The following SPOCK1 variants were observed in gnomAD, a reference collection of about 807,000 sequenced individuals.
SPOCK1 encodes the protein testican-1.
A neutral mutation model predicts 55.3 loss-of-function variants in SPOCK1; 23 were observed. That is an observed-to-expected ratio of 0.42 (90% CI 0.30 to 0.59). The LOEUF is 0.59. Among genes scored for constraint, SPOCK1 ranks in the 20% least tolerant of loss-of-function variants. The pLI, the probability that SPOCK1 is intolerant of heterozygous loss-of-function variation, is 0.22. For synonymous variants in SPOCK1, 226 were observed against 221.0 expected, an observed-to-expected ratio of 1.02 and a Z score of -0.20; for missense variants, 499 against 552.5, an observed-to-expected ratio of 0.90 and a Z score of 0.97.
At chr5:137,187,014 T>C (rs945600600) in intron 3 of SPOCK1, among the ~76,000 whole-genome samples, 1 of 152,142 alleles carries the variant, frequency 6.6e-6, no homozygotes, top group South Asian at 2.1e-4. Flanking sequence ...CATTGCCCCA[T>C]CCAGTCCACG....
At chr5:137,096,314 A>AC (rs397882010) in intron 5 of SPOCK1, among the ~76,000 whole-genome samples, 2 of 151,812 alleles carry the variant, frequency 1.3e-5, no homozygotes, top group Non-Finnish European at 2.9e-5. Context: ...AAAAAAAAAA[A>AC]GAACCCAAAT....
intron 6 of SPOCK1, among the ~76,000 whole-genome samples, chr5:137,012,806 T>C (rs1009003020): frequency 9.2e-5 from 14 of 152,228 alleles, no homozygotes; most frequent in African/African-American, 3.4e-4. Context: ...GTTGTACTCT[T>C]ACAACTATAA....
intron 5 of SPOCK1, among the ~76,000 whole-genome samples, chr5:137,084,985 C>CA (rs1752937967): frequency 6.8e-6 from 1 of 147,218 alleles, no homozygotes; most frequent in South Asian, 2.1e-4. Context: ...ATTGCACCAT[C>CA]ACACACATTG....
intron 5 of SPOCK1, among the ~76,000 whole-genome samples, chr5:137,100,188 G>A (rs1325006107): frequency 6.6e-6 from 1 of 152,182 alleles, no homozygotes; most frequent in Admixed American, 6.5e-5. Flanking sequence ...GGTTCACTGA[G>A]GAGATGGTGC....
intron 2 of SPOCK1, among the ~76,000 whole-genome samples, chr5:137,442,143 G>T (rs895119896): frequency 4.6e-5 from 7 of 152,224 alleles, no homozygotes; most frequent in Admixed American, 6.5e-5. Context: ...CTAATCCCAA[G>T]ACCTCAGCTA....
At chr5:137,475,274 C>T (rs777715182) in intron 2 of SPOCK1, among the ~76,000 whole-genome samples, 2 of 152,106 alleles carry the variant, frequency 1.3e-5, no homozygotes, top group South Asian at 4.1e-4. Context: ...TGAAAAATAA[C>T]AATATCCAGA....
chr5:137,313,167 C>T (rs891602912), intron 2 of SPOCK1, among the ~76,000 whole-genome samples: 24 of 152,154 alleles, frequency 1.6e-4, no homozygotes, highest in African/African-American at 5.8e-4. Context: ...CCTGAAATTC[C>T]CACAGTTAGA....
At chr5:137,416,758 C>G (rs1027491267) in intron 2 of SPOCK1, among the ~76,000 whole-genome samples, 1 of 152,118 alleles carries the variant, frequency 6.6e-6, no homozygotes, top group Non-Finnish European at 1.5e-5. Context: ...CACATCCCCA[C>G]CAGCACCAAG....
chr5:137,389,487 G>T (rs966651357), intron 2 of SPOCK1, among the ~76,000 whole-genome samples: 1 of 152,266 alleles, frequency 6.6e-6, no homozygotes, highest in Non-Finnish European at 1.5e-5. Flanking sequence ...TTGTGGATTT[G>T]ACACATGGTC....
At chr5:137,088,981 C>CT (rs1753008495) in intron 5 of SPOCK1, among the ~76,000 whole-genome samples, 1 of 152,158 alleles carries the variant, frequency 6.6e-6, no homozygotes, top group African/African-American at 2.4e-5. Flanking sequence ...ACTGTGGGTT[C>CT]TCAAGCAAAG....
At chr5:137,019,436 C>T (rs1165599166) in intron 6 of SPOCK1, among the ~76,000 whole-genome samples, 1 of 152,054 alleles carries the variant, frequency 6.6e-6, no homozygotes, top group Admixed American at 6.5e-5. Flanking sequence ...TATTCCTATA[C>T]TATCACATTA....
intron 2 of SPOCK1, among the ~76,000 whole-genome samples, chr5:137,314,499 T>C (rs1757842546): frequency 1.3e-5 from 2 of 152,186 alleles, no homozygotes; most frequent in Admixed American, 6.5e-5. Flanking sequence ...AGTCTCATTT[T>C]CCTCACCTGT....
intron 2 of SPOCK1, among the ~76,000 whole-genome samples, chr5:137,290,826 C>T (rs1038147207): frequency 1.3e-5 from 2 of 152,196 alleles, no homozygotes; most frequent in Non-Finnish European, 1.5e-5. Flanking sequence ...AAGCGGGGCC[C>T]TTGTCTAGTC....
chr5:137,376,195 G>A (rs573343899), intron 2 of SPOCK1, among the ~76,000 whole-genome samples: 5 of 152,228 alleles, frequency 3.3e-5, no homozygotes, highest in East Asian at 1.9e-4. Context: ...TAAAAGCCCC[G>A]GGATCCGCCC....
chr5:137,363,862 C>T (rs1031369790), intron 2 of SPOCK1, among the ~76,000 whole-genome samples: 1 of 152,242 alleles, frequency 6.6e-6, no homozygotes, highest in Non-Finnish European at 1.5e-5. Context: ...GCAAGCCAGT[C>T]ACTGGGGACA....
chr5:137,325,908 G>A (rs1349257783), intron 2 of SPOCK1, among the ~76,000 whole-genome samples: 4 of 152,152 alleles, frequency 2.6e-5, no homozygotes, highest in South Asian at 4.2e-4. Flanking sequence ...TCCAGGCAAA[G>A]GAAACAGCGA....
chr5:137,038,736 T>C (rs1162927298), intron 6 of SPOCK1, among the ~76,000 whole-genome samples: 3 of 152,208 alleles, frequency 2.0e-5, no homozygotes, highest in Admixed American at 6.5e-5. Flanking sequence ...ATCAGATGGA[T>C]GCCATTACTT....
At chr5:137,089,085 C>T (rs181098989) in intron 5 of SPOCK1, among the ~76,000 whole-genome samples, 94 of 152,138 alleles carry the variant, frequency 6.2e-4, no homozygotes, top group Middle Eastern at 3.4e-3. Flanking sequence ...GGGACTAGAA[C>T]GGGGAGCTAG....
chr5:137,075,012 T>C (rs1752726657), intron 5 of SPOCK1, among the ~76,000 whole-genome samples: 1 of 152,094 alleles, frequency 6.6e-6, no homozygotes, highest in African/African-American at 2.4e-5. Flanking sequence ...CTAATTTTTG[T>C]ATTTTTAGTA....
Sources: allele counts gnomAD v4.1 joint callset (sites outside exome capture counted in the v4.1 genomes callset), GRCh38; gene constraint gnomAD v4.1.1; transcripts MANE v1.5; gene names NCBI Gene and HGNC (gene_info 2026-07-23, HGNC 2026-07-21).